RPS6KA6: variants seen among roughly 807,000 people sequenced by gnomAD.
RPS6KA6 encodes ribosomal protein S6 kinase A6.
RPS6KA6 carries 27 observed loss-of-function variants against 65.4 expected under a neutral mutation model. The ratio of observed to expected loss-of-function variants is 0.41; its 90% CI spans 0.30 to 0.57. The LOEUF is 0.57. Ranked by LOEUF, RPS6KA6 falls within the 20% of genes least tolerant of loss-of-function variation. RPS6KA6 has a pLI of 0.24. For missense variants in RPS6KA6, 486 were observed against 555.6 expected (o/e 0.87, Z 1.26); for synonymous variants, 190 against 184.2 (o/e 1.03, Z -0.26).
intron 20 of RPS6KA6, among the ~76,000 whole-genome samples, chrX:84,071,765 T>G (rs1246767495): frequency 4.5e-5 from 5 of 111,561 alleles, no homozygotes; most frequent in African/African-American, 1.6e-4. Context: ...ACATTACAAC[T>G]GATACCACAG....
intron 3 of RPS6KA6, among the ~76,000 whole-genome samples, chrX:84,148,480 C>A (rs1055967226): frequency 3.6e-5 from 4 of 110,212 alleles, no homozygotes; most frequent in South Asian, 3.8e-4. Flanking sequence ...AGTTTTTAAT[C>A]AAAAAAACTG....
At chrX:84,141,506 A>C (rs2035103329) in intron 6 of RPS6KA6, among the ~76,000 whole-genome samples, 1 of 111,161 alleles carries the variant, frequency 9.0e-6, no homozygotes, top group African/African-American at 3.3e-5. Flanking sequence ...GCAAGATAGT[A>C]GATTTAAATA....
intron 20 of RPS6KA6, among the ~76,000 whole-genome samples, chrX:84,075,261 A>G (rs2147343614): frequency 9.0e-6 from 1 of 111,274 alleles, no homozygotes; most frequent in Non-Finnish European, 1.9e-5. Context: ...ACAAACAAAC[A>G]ACCTCAAATC....
intron 6 of RPS6KA6, among the ~76,000 whole-genome samples, chrX:84,139,852 C>T (rs1326749198): frequency 1.8e-5 from 2 of 111,943 alleles, no homozygotes; most frequent in Non-Finnish European, 3.8e-5. Flanking sequence ...GGACAAATGA[C>T]GTATGCCCCA....
At chrX:84,086,240 T>C (rs973993968) in intron 20 of RPS6KA6, among the ~76,000 whole-genome samples, 11 of 111,626 alleles carry the variant, frequency 9.9e-5, no homozygotes, top group Non-Finnish European at 1.9e-4. Flanking sequence ...GTTCTTTCTG[T>C]TGTGATGTTA....
intron 6 of RPS6KA6, among the ~76,000 whole-genome samples, chrX:84,144,904 C>T (rs1202173780): frequency 9.1e-6 from 1 of 109,755 alleles, no homozygotes; most frequent in African/African-American, 3.3e-5. Context: ...TTATGTTAAG[C>T]CAGACAAAAA....
At chrX:84,188,225 C>T (rs947122363), upstream of RPS6KA6, among the ~76,000 whole-genome samples, 1 of 112,029 alleles carries the variant, frequency 8.9e-6, no homozygotes, top group Non-Finnish European at 1.9e-5. Flanking sequence ...TTCCTCGGGT[C>T]CCCTCCCCGC....
chrX:84,095,602 T>G (rs752677453), intron 20 of RPS6KA6, among the ~76,000 whole-genome samples: 1 of 98,961 alleles, frequency 1.0e-5, no homozygotes, highest in South Asian at 4.7e-4. Context: ...ATATCTAAAT[T>G]TTTATATTGA....
At chrX:84,103,169 C>A (rs1336350582) in intron 17 of RPS6KA6, among the ~76,000 whole-genome samples, 1 of 110,519 alleles carries the variant, frequency 9.0e-6, no homozygotes, top group African/African-American at 3.3e-5. Flanking sequence ...TACAAAGAAC[C>A]AAGAAAATAG....
chrX:84,081,865 T>A (rs1388384399), intron 20 of RPS6KA6, among the ~76,000 whole-genome samples: 1 of 111,348 alleles, frequency 9.0e-6, no homozygotes, highest in Non-Finnish European at 1.9e-5. Flanking sequence ...TCTTAACAGA[T>A]CCAGAAAAGG....
chrX:84,154,733 A>G (rs898673325), intron 3 of RPS6KA6, among the ~76,000 whole-genome samples: 1 of 111,070 alleles, frequency 9.0e-6, no homozygotes, highest in East Asian at 2.8e-4. Context: ...ACACTGTTCA[A>G]GTCCTATCTC....
intron 1 of RPS6KA6, among the ~76,000 whole-genome samples, chrX:84,180,957 G>A (rs770189708): frequency 9.0e-6 from 1 of 111,713 alleles, no homozygotes; most frequent in African/African-American, 3.2e-5. Context: ...AAGATGTTTT[G>A]AAGAATGAAT....
intron 20 of RPS6KA6, among the ~76,000 whole-genome samples, chrX:84,086,205 GTGTT>G (rs1368065011): frequency 9.0e-6 from 1 of 111,095 alleles, no homozygotes; most frequent in Non-Finnish European, 1.9e-5. Context: ...TCATAGCTTT[GTGTT>G]TGTTTGCCCT....
At chrX:84,093,621 A>C (rs1356226371) in intron 20 of RPS6KA6, among the ~76,000 whole-genome samples, 1 of 112,453 alleles carries the variant, frequency 8.9e-6, no homozygotes, top group African/African-American at 3.2e-5. Flanking sequence ...CTTAAACACC[A>C]GATAGGCCTA....
chrX:84,135,350 C>T lies in RPS6KA6; in HGVS notation c.502-140G>A, dbSNP rs966043304. 4.4e-5 allele frequency: 18 copies of T among 405,721 alleles called. No homozygotes were observed. In the Admixed American group the frequency reaches 8.2e-4, roughly 18 times the overall value. 33.4% of individuals were successfully genotyped at this position (405,721 alleles called of 1,213,427 possible). A position where few individuals can be genotyped will look rare whatever the true frequency, so the allele number is the denominator to read the frequency against. On this transcript the variant is annotated intron_variant, in intron 6 of 21. Transcript: ENST00000262752. ...GCACAGTCAATTCTTATTTGACTGG[C>T]ATAATTATTGGCAATACCAGAGAAA...
At chrX:84,182,801 G>A (rs755268166) in intron 1 of RPS6KA6, among the ~76,000 whole-genome samples, 178 of 111,568 alleles carry the variant, frequency 1.6e-3, no homozygotes, top group African/African-American at 5.7e-3. Flanking sequence ...AAATAAACCT[G>A]GTGAAAGCAT....
intron 1 of RPS6KA6, among the ~76,000 whole-genome samples, chrX:84,177,641 T>G (rs1298160598): frequency 3.6e-5 from 4 of 112,028 alleles, no homozygotes; most frequent in Non-Finnish European, 7.5e-5. Flanking sequence ...TACATTATTC[T>G]CATATTTCCT....
chrX:84,122,760 G>C (rs2034703175), intron 8 of RPS6KA6, among the ~76,000 whole-genome samples: 1 of 111,271 alleles, frequency 9.0e-6, no homozygotes, highest in South Asian at 3.8e-4. Context: ...AAACTTAAAA[G>C]GCAGTCTAAG....
intron 20 of RPS6KA6, among the ~76,000 whole-genome samples, chrX:84,074,334 G>C (rs970497069): frequency 2.7e-5 from 3 of 111,659 alleles, no homozygotes; most frequent in African/African-American, 9.8e-5. Context: ...GTACAGAGTA[G>C]AACAGTGGTT....
Sources: allele counts gnomAD v4.1 joint callset (sites outside exome capture counted in the v4.1 genomes callset), GRCh38; gene constraint gnomAD v4.1.1; transcripts MANE v1.5; gene names NCBI Gene and HGNC (gene_info 2026-07-23, HGNC 2026-07-21).